BBS9: variants seen among roughly 807,000 people sequenced by gnomAD.
The protein encoded by BBS9 is Bardet-Biedl syndrome 9.
A neutral mutation model predicts 117.7 loss-of-function variants in BBS9; 89 were observed. The observed-to-expected ratio is 0.76, with a 90% CI of 0.64 to 0.90. The LOEUF is 0.90. Among genes scored for constraint, BBS9 ranks in the 40% least tolerant of loss-of-function variants. The pLI, the probability that BBS9 is intolerant of heterozygous loss-of-function variation, is 0.00. For synonymous variants in BBS9, 379 were observed against 370.9 expected (o/e 1.02, Z -0.25); for missense variants, 982 against 1,042.2 (o/e 0.94, Z 0.80).
intron 9 of BBS9, among the ~76,000 whole-genome samples, chr7:33,326,618 C>A (rs1812910922): frequency 6.6e-6 from 1 of 151,950 alleles, no homozygotes; most frequent in African/African-American, 2.4e-5. Context: ...CTCTGAATTC[C>A]ACTCAAGGCC....
intron 9 of BBS9, among the ~76,000 whole-genome samples, chr7:33,332,142 A>G (rs1249096940): frequency 6.7e-6 from 1 of 148,586 alleles, no homozygotes; most frequent in African/African-American, 2.4e-5. Context: ...ACCCAGAAAT[A>G]AAGCCAGACT....
At chr7:33,478,199 C>T (rs1232791462) in intron 19 of BBS9, among the ~76,000 whole-genome samples, 3 of 152,022 alleles carry the variant, frequency 2.0e-5, no homozygotes, top group Non-Finnish European at 4.4e-5. Flanking sequence ...GTCAAAGACT[C>T]CAGTGGGATT....
At chr7:33,610,159 T>TAG (rs1278856001), downstream of BBS9, among the ~76,000 whole-genome samples, 1 of 151,954 alleles carries the variant, frequency 6.6e-6, no homozygotes, top group Non-Finnish European at 1.5e-5. Context: ...GCGAGCGAGA[T>TAG]AGAGAGAGAG....
chr7:33,401,466 G>C (rs1303053802), intron 19 of BBS9, among the ~76,000 whole-genome samples: 5 of 151,136 alleles, frequency 3.3e-5, no homozygotes, highest in Non-Finnish European at 7.4e-5. Flanking sequence ...TTGGGCTACA[G>C]CTTGGAATTA....
intron 21 of BBS9, among the ~76,000 whole-genome samples, chr7:33,569,105 G>A (rs902532412): frequency 6.6e-6 from 1 of 152,128 alleles, no homozygotes; most frequent in African/African-American, 2.4e-5. Flanking sequence ...AGATGAGCCT[G>A]ACTTTATTGT....
At chr7:33,346,296 C>T (rs1422226637) in intron 12 of BBS9, 2 of 469,442 alleles carry the variant, frequency 4.3e-6, no homozygotes, top group Non-Finnish European at 8.8e-6. Flanking sequence ...TTTTTCCATC[C>T]GTTCCAAGTG....
intron 6 of BBS9, among the ~76,000 whole-genome samples, chr7:33,261,831 C>T (rs1798026151): frequency 6.6e-6 from 1 of 152,202 alleles, no homozygotes; most frequent in Non-Finnish European, 1.5e-5. Flanking sequence ...TAGTGCCTTT[C>T]TGTTCTGAGA....
intron 4 of BBS9, among the ~76,000 whole-genome samples, chr7:33,175,025 C>T (rs1346350611): frequency 6.6e-6 from 1 of 152,152 alleles, no homozygotes; most frequent in African/African-American, 2.4e-5. Context: ...TATTTTTGGC[C>T]AGGTGCGGTG....
chr7:33,542,981 G>A (rs755511844), intron 21 of BBS9, among the ~76,000 whole-genome samples: 7 of 152,102 alleles, frequency 4.6e-5, no homozygotes, highest in Admixed American at 6.5e-5. Flanking sequence ...ATCCCCAGTA[G>A]TGGGATTGCT....
At chr7:33,554,383 T>C (rs920583026) in intron 21 of BBS9, among the ~76,000 whole-genome samples, 3 of 152,004 alleles carry the variant, frequency 2.0e-5, no homozygotes, top group African/African-American at 7.3e-5. Flanking sequence ...AGGCAAGAGA[T>C]GAGGTTGACT....
At chr7:33,150,631 A>G (rs913562215) in intron 2 of BBS9, among the ~76,000 whole-genome samples, 15 of 152,184 alleles carry the variant, frequency 9.9e-5, no homozygotes, top group African/African-American at 3.6e-4. Context: ...TTATTAGGTG[A>G]ACTTATGGGC....
intron 4 of BBS9, among the ~76,000 whole-genome samples, chr7:33,157,422 G>T (rs1198982004): frequency 2.0e-5 from 3 of 152,092 alleles, no homozygotes; most frequent in Non-Finnish European, 4.4e-5. Context: ...TGGGGACTAG[G>T]AGTTGTCCAA....
rs143045138 is a variant in BBS9 at position 33,201,330 on chromosome 7, T to G, written c.442+23739T>G. ...CTTTCTGTTTCCTATGGAGGAAGGA[T>G]CCTGGGTATCTGTTTATTTCCATAG... On this transcript the variant is annotated intron_variant, in intron 5 of 22. Transcript: ENST00000242067. Among the ~76,000 whole-genome samples, 169 of 152,304 alleles carry G rather than the reference T, an allele frequency of 1.1e-3. 1 individual carries two copies. Among genetic ancestry groups the G allele is most frequent in the African/African-American group, 3.8e-3 (158 of 41,588 alleles).
At chr7:33,192,485 A>G (rs898006256) in intron 5 of BBS9, among the ~76,000 whole-genome samples, 3 of 152,170 alleles carry the variant, frequency 2.0e-5, no homozygotes, top group East Asian at 3.8e-4. Flanking sequence ...TGCACATTTT[A>G]TATTTGGGGA....
intron 4 of BBS9, among the ~76,000 whole-genome samples, chr7:33,161,095 A>C (rs1794766035): frequency 6.6e-6 from 1 of 151,774 alleles, no homozygotes; most frequent in Non-Finnish European, 1.5e-5. Context: ...CTCTTTTAGC[A>C]ACATGGAACA....
At chr7:33,356,187 A>G (rs1819587246) in intron 15 of BBS9, among the ~76,000 whole-genome samples, 1 of 151,800 alleles carries the variant, frequency 6.6e-6, no homozygotes, top group African/African-American at 2.4e-5. Flanking sequence ...AATTTTCTCT[A>G]CAGTTTACTT....
chr7:33,388,871 C>G (rs1022443572), intron 19 of BBS9, among the ~76,000 whole-genome samples: 4 of 152,080 alleles, frequency 2.6e-5, no homozygotes, highest in African/African-American at 9.7e-5. Flanking sequence ...ATTGTGTATT[C>G]CTATATTTCT....
At chr7:33,385,922 T>G (rs991633890) in intron 18 of BBS9, among the ~76,000 whole-genome samples, 5 of 152,042 alleles carry the variant, frequency 3.3e-5, no homozygotes, top group African/African-American at 1.2e-4. Flanking sequence ...AGCTACTGAG[T>G]GCTTCTAAAG....
intron 17 of BBS9, among the ~76,000 whole-genome samples, chr7:33,377,981 G>T (rs983727841): frequency 3.9e-5 from 6 of 152,088 alleles, no homozygotes; most frequent in Non-Finnish European, 7.4e-5. Flanking sequence ...TATTATATAT[G>T]AATCAAATGA....
Sources: allele counts gnomAD v4.1 joint callset (sites outside exome capture counted in the v4.1 genomes callset), GRCh38; gene constraint gnomAD v4.1.1; transcripts MANE v1.5; gene names NCBI Gene and HGNC (gene_info 2026-07-23, HGNC 2026-07-21).